The following EYS variants were observed in gnomAD, a reference collection of about 807,000 sequenced individuals.
EYS encodes protein eyes shut homolog.
In EYS, 250 loss-of-function variants were observed where a neutral mutation model predicts 282.1. The ratio of observed to expected loss-of-function variants is 0.89; its 90% confidence interval spans 0.80 to 0.98. EYS has a LOEUF of 0.98. EYS is among the 50% of genes least tolerant of loss of function. EYS has a pLI of 0.00. For missense variants in EYS, 4,016 were observed against 3,709.0 expected (o/e 1.08, Z -2.15); for synonymous variants, 1,355 against 1,282.9 (o/e 1.06, Z -1.20).
At chr6:64,656,224 T>C (rs1470042946) in intron 22 of EYS, among the ~76,000 whole-genome samples, 2 of 152,148 alleles carry the variant, frequency 1.3e-5, no homozygotes, top group East Asian at 1.9e-4. Context: ...TGTTTTACGA[T>C]GGTGTCTAAT....
At chr6:64,673,314 ATTAT>A (rs1373925543) in intron 22 of EYS, among the ~76,000 whole-genome samples, 1 of 152,104 alleles carries the variant, frequency 6.6e-6, no homozygotes, top group Non-Finnish European at 1.5e-5. Flanking sequence ...GAAGATGAAC[ATTAT>A]TTATGTTGAC....
In EYS at chr6:64,653,653, C is replaced by A. The variant is rs1190472962; in HGVS notation, c.3444-27408G>T. On this transcript the variant is annotated intron_variant, in intron 22 of 42. Coordinates refer to ENST00000503581, the MANE Select transcript of EYS (RefSeq NM_001142800.2). The stretch of plus-strand genomic sequence containing the variant: ...GACTGTGGCTCACTGCAGCCTCAAC[C>A]TTTTGGGCTCAAGCAATCCTCCTGC... 7.2e-5 allele frequency among the ~76,000 whole-genome samples: 11 copies of A among 151,890 alleles called. No homozygotes were observed. In the Middle Eastern group the frequency reaches 0.01, roughly 142 times the overall value.
At chr6:64,793,958 A>G (rs964068003) in intron 22 of EYS, among the ~76,000 whole-genome samples, 4 of 152,198 alleles carry the variant, frequency 2.6e-5, no homozygotes, top group Non-Finnish European at 4.4e-5. Context: ...TATTTTGCAT[A>G]ACAAAAACTT....
At chr6:64,705,381 T>A (rs1032005018) in intron 22 of EYS, among the ~76,000 whole-genome samples, 1 of 151,990 alleles carries the variant, frequency 6.6e-6, no homozygotes, top group African/African-American at 2.4e-5. Context: ...AGAATCAATA[T>A]TGTGAAAATG....
chr6:65,568,017 A>C (rs1562263562), intron 2 of EYS, among the ~76,000 whole-genome samples: 1 of 152,058 alleles, frequency 6.6e-6, no homozygotes, highest in Non-Finnish European at 1.5e-5. Flanking sequence ...TCCCACCTAG[A>C]ACAAGAATTA....
chr6:64,543,213 A>C (rs1451174757), intron 26 of EYS, among the ~76,000 whole-genome samples: 1 of 152,106 alleles, frequency 6.6e-6, no homozygotes, highest in East Asian at 1.9e-4. Flanking sequence ...GGAGCTTTTT[A>C]AGTTTTGTAT....
intron 26 of EYS, among the ~76,000 whole-genome samples, chr6:64,503,642 A>G (rs1221908470): frequency 1.3e-5 from 2 of 152,174 alleles, no homozygotes; most frequent in African/African-American, 4.8e-5. Flanking sequence ...ATTTGTCCTG[A>G]AACAGCAGCA....
chr6:65,349,165 G>A (rs1770507247), intron 9 of EYS, among the ~76,000 whole-genome samples: 1 of 151,140 alleles, frequency 6.6e-6, no homozygotes, highest in Non-Finnish European at 1.5e-5. Context: ...TTCATGTTTT[G>A]GATTCATTTT....
intron 39 of EYS, among the ~76,000 whole-genome samples, chr6:63,784,000 A>C (rs1337895109): frequency 6.6e-6 from 1 of 152,210 alleles, no homozygotes; most frequent in African/African-American, 2.4e-5. Flanking sequence ...GGAACAAAAA[A>C]GAGGGAATTC....
At chr6:64,659,018 C>T (rs1402516546) in intron 22 of EYS, among the ~76,000 whole-genome samples, 1 of 152,150 alleles carries the variant, frequency 6.6e-6, no homozygotes, top group Non-Finnish European at 1.5e-5. Context: ...TGCAAAAGAA[C>T]AGAAATTATA....
intron 9 of EYS, among the ~76,000 whole-genome samples, chr6:65,349,998 G>T (rs2221326): frequency 0.68 from 102,461 of 151,152 alleles, 34,806 homozygotes; most frequent in South Asian, 0.72. Flanking sequence ...TAATTAGCTT[G>T]ATTCTGTTTA....
intron 33 of EYS, among the ~76,000 whole-genome samples, chr6:64,064,010 G>T (rs372313579): frequency 1.3e-5 from 2 of 152,152 alleles, no homozygotes; most frequent in East Asian, 1.9e-4. Context: ...CTCTTCCCTT[G>T]CCTGAAACTC....
intron 1 of EYS, among the ~76,000 whole-genome samples, chr6:65,688,151 C>T (rs1438197276): frequency 6.6e-6 from 1 of 152,122 alleles, no homozygotes; most frequent in Non-Finnish European, 1.5e-5. Context: ...AAGAACAAAG[C>T]TGGAGGCATC....
chr6:64,443,183 C>G (rs866258292), intron 26 of EYS, among the ~76,000 whole-genome samples: 5 of 152,200 alleles, frequency 3.3e-5, no homozygotes, highest in African/African-American at 1.2e-4. Flanking sequence ...CAAAGGAGAT[C>G]ATTTTGGAGC....
chr6:64,828,135 C>A (rs1765111696), intron 19 of EYS, among the ~76,000 whole-genome samples: 1 of 151,734 alleles, frequency 6.6e-6, no homozygotes, highest in Non-Finnish European at 1.5e-5. Context: ...ATTTAATGAG[C>A]TTATCAGTGG....
chr6:65,654,793 G>T (rs556575508), intron 1 of EYS, among the ~76,000 whole-genome samples: 1 of 151,544 alleles, frequency 6.6e-6, no homozygotes, highest in Non-Finnish European at 1.5e-5. Flanking sequence ...CGAAAGAAAT[G>T]ATTTAGGACC....
intron 2 of EYS, among the ~76,000 whole-genome samples, chr6:65,596,092 G>C (rs954204725): frequency 1.3e-5 from 2 of 151,976 alleles, no homozygotes; most frequent in African/African-American, 4.8e-5. Flanking sequence ...CTACATGAGT[G>C]AGTGTGAAAG....
intron 31 of EYS, among the ~76,000 whole-genome samples, chr6:64,199,622 C>T (rs913893870): frequency 6.6e-6 from 1 of 152,024 alleles, no homozygotes; most frequent in African/African-American, 2.4e-5. Flanking sequence ...AAAGAAACCA[C>T]CATCAGAGTG....
chr6:65,159,290 C>T (rs73768156), intron 12 of EYS, among the ~76,000 whole-genome samples: 1 of 150,988 alleles, frequency 6.6e-6, no homozygotes, highest in African/African-American at 2.4e-5. Flanking sequence ...CTGTAGACCC[C>T]TTCTGGTTCT....
Sources: gnomAD v4.1 joint callset for allele counts (sites outside exome capture counted in the v4.1 genomes callset) on GRCh38, gnomAD v4.1.1 for gene constraint, MANE v1.5 for transcripts, NCBI Gene and HGNC (gene_info 2026-07-23, HGNC 2026-07-21) for gene names.